Variants in DNAH7 observed in about 807,000 individuals in gnomAD.
DNAH7 encodes the protein dynein axonemal heavy chain 7, also known as axonemal beta dynein heavy chain 7.
A neutral mutation model predicts 444.6 loss-of-function variants in DNAH7; 397 were observed. The ratio of observed to expected loss-of-function variants is 0.89; its 90% CI spans 0.82 to 0.97. DNAH7 has a LOEUF of 0.97. DNAH7 is among the 50% of genes least tolerant of loss of function. The pLI is 0.00. For synonymous variants in DNAH7, 1,636 were observed against 1,624.4 expected, an observed-to-expected ratio of 1.01 and a Z score of -0.17; for missense variants, 4,902 against 4,800.8, an observed-to-expected ratio of 1.02 and a Z score of -0.62.
intron 25 of DNAH7, among the ~76,000 whole-genome samples, chr2:195,908,168 T>C (rs1687149741): frequency 1.3e-5 from 2 of 152,124 alleles, no homozygotes; most frequent in South Asian, 2.1e-4. Flanking sequence ...CATTTAATAA[T>C]GTGATGGCTA....
intron 15 of DNAH7, among the ~76,000 whole-genome samples, chr2:195,978,571 A>G (rs1337116698): frequency 1.6e-4 from 25 of 152,062 alleles, no homozygotes; most frequent in Admixed American, 1.6e-3. Flanking sequence ...AAAATTATCA[A>G]TAACAACAAT....
chr2:195,852,004 A>G (rs952268059), intron 46 of DNAH7, among the ~76,000 whole-genome samples: 23 of 152,174 alleles, frequency 1.5e-4, no homozygotes, highest in Admixed American at 1.4e-3. Flanking sequence ...CACGCCTGTA[A>G]TCCCGGCACT....
intron 58 of DNAH7, among the ~76,000 whole-genome samples, chr2:195,782,605 A>T (rs751617218): frequency 2.0e-5 from 3 of 152,200 alleles, no homozygotes; most frequent in Non-Finnish European, 2.9e-5. Context: ...TTTCCAAAAA[A>T]AATCGTATTA....
intron 1 of DNAH7, among the ~76,000 whole-genome samples, chr2:196,059,608 T>A (rs1431625956): frequency 2.6e-5 from 4 of 152,192 alleles, no homozygotes; most frequent in Non-Finnish European, 5.9e-5. Context: ...GTCAGCAACC[T>A]TGTCAATCTG....
chr2:195,799,728 G>T (rs148762333), intron 54 of DNAH7, among the ~76,000 whole-genome samples: 3 of 152,086 alleles, frequency 2.0e-5, no homozygotes, highest in African/African-American at 7.2e-5. Flanking sequence ...CCCTTGAAAT[G>T]AATGTTCAAG....
At chr2:195,804,053 G>A (rs137949725) in intron 54 of DNAH7, among the ~76,000 whole-genome samples, 133 of 99,028 alleles carry the variant, frequency 1.3e-3, no homozygotes, top group African/African-American at 4.3e-3. Flanking sequence ...TGAGGGGAGA[G>A]GGGGGGAAGG....
At chr2:195,986,261 T>C (rs917672832) in intron 14 of DNAH7, among the ~76,000 whole-genome samples, 14 of 152,202 alleles carry the variant, frequency 9.2e-5, no homozygotes, top group African/African-American at 3.1e-4. Context: ...TCCTTCTACA[T>C]TGTAACTTCC....
intron 5 of DNAH7, 45 bp from the exon 6 acceptor site, chr2:196,028,092 G>C: frequency 6.6e-7 from 1 of 1,504,688 alleles, no homozygotes; most frequent in Admixed American, 1.8e-5. Context: ...ATAAGGGGCA[G>C]TTAGAACATA....
chr2:195,760,436 A>G (rs1559077633), intron 61 of DNAH7, among the ~76,000 whole-genome samples: 1 of 152,182 alleles, frequency 6.6e-6, no homozygotes, highest in African/African-American at 2.4e-5. Context: ...CATAGACAGT[A>G]GCCAGGGAGT....
intron 19 of DNAH7, among the ~76,000 whole-genome samples, chr2:195,938,913 G>C (rs1329004112): frequency 1.3e-5 from 2 of 152,088 alleles, no homozygotes; most frequent in African/African-American, 4.8e-5. Context: ...CCAGTGAGAA[G>C]ACAAACATAA....
chr2:195,823,141 T>C (rs1263099898), intron 49 of DNAH7, among the ~76,000 whole-genome samples: 1 of 152,200 alleles, frequency 6.6e-6, no homozygotes, highest in Non-Finnish European at 1.5e-5. Context: ...AGCAGGTAAA[T>C]ACATAGTAGA....
intron 16 of DNAH7, among the ~76,000 whole-genome samples, chr2:195,971,713 T>C (rs557620321): frequency 1.3e-5 from 2 of 151,984 alleles, no homozygotes; most frequent in Non-Finnish European, 2.9e-5. Context: ...AAGTAGGCAA[T>C]GAGGCTGGAC....
intron 28 of DNAH7, among the ~76,000 whole-genome samples, chr2:195,899,019 A>G (rs531469817): frequency 1.5e-4 from 23 of 152,310 alleles, no homozygotes; most frequent in African/African-American, 5.5e-4. Flanking sequence ...TCTGCCTAAT[A>G]AATGCCATAT....
chr2:196,029,353 C>G (rs994510581), intron 5 of DNAH7, among the ~76,000 whole-genome samples: 1 of 152,030 alleles, frequency 6.6e-6, no homozygotes, highest in African/African-American at 2.4e-5. Flanking sequence ...GTGTGAATAA[C>G]GCCTGCCTAG....
In DNAH7 at chr2:195,881,726, T is replaced by G. The variant is rs1701390571; in HGVS notation, c.5961+69A>C. 5 of 1,448,958 alleles carry G rather than the reference T, an allele frequency of 3.5e-6. No homozygotes were observed. The Admixed American group carries it at 8.0e-5, about 23-fold the overall frequency. The allele number at this position is 1,448,958 out of a possible 1,614,324, so 89.8% of individuals were successfully genotyped here. The stretch of plus-strand genomic sequence containing the variant: ...TTGAGTATTTTTAAAAAATTATTTG[T>G]CTGCTATTTCAAAAACATTCTTAGG... On this transcript the variant is annotated intron_variant, in intron 36 of 64. Transcript: ENST00000312428.
Position 196,068,792 on chromosome 2 carries a change from C to G in DNAH7, c.-81G>C. On this transcript the variant is annotated 5_prime_UTR_variant, in exon 1 of 65. Coordinates refer to ENST00000312428, the MANE Select transcript of DNAH7 (RefSeq NM_018897.3). ...ACCCCTAGGACGATAGAGGCAGGGC[C>G]CCGGGACTTGCAGCGGTCTCAGCTC... The G allele has an allele frequency of 1.3e-6, 2 of 1,521,216 alleles. No individual in the cohort carries two copies. Among genetic ancestry groups the G allele is most frequent in the East Asian group, 5.0e-5 (2 of 40,068 alleles). 94.2% of individuals were successfully genotyped at this position (1,521,216 alleles called of 1,614,324 possible).
chr2:195,864,464 C>G lies in DNAH7; in HGVS notation c.7191G>C (p.Leu2397=). 6.2e-7 allele frequency: 1 copy of G among 1,614,206 alleles called. No homozygotes were observed. The highest frequency in any genetic ancestry group is 1.1e-5 in the South Asian group (1 of 91,092). ...CAEGEMQGVF[L]FTDTQIKEES... The stretch of plus-strand genomic sequence containing the variant: ...CTTCTTTAATTTGAGTATCTGTAAA[C>G]AGGAAGACACCCTGCATCTCACCTT... Residue 2397 remains leucine (L), a synonymous_variant, in exon 41 of 65, where the codon CTG becomes CTC. Coordinates refer to ENST00000312428, the MANE Select transcript of DNAH7 (RefSeq NM_018897.3).
At chr2:195,946,405 G>T (rs1255765360) in intron 19 of DNAH7, among the ~76,000 whole-genome samples, 1 of 152,062 alleles carries the variant, frequency 6.6e-6, no homozygotes, top group South Asian at 2.1e-4. Flanking sequence ...CCCAGACAAC[G>T]AACAAACCTA....
intron 61 of DNAH7, among the ~76,000 whole-genome samples, chr2:195,768,049 T>C (rs976063917): frequency 2.6e-5 from 4 of 151,498 alleles, no homozygotes; most frequent in Non-Finnish European, 5.9e-5. Context: ...TATTGTGATA[T>C]TGTAAAAGAA....
Sources: allele counts gnomAD v4.1 joint callset (sites outside exome capture counted in the v4.1 genomes callset), GRCh38; gene constraint gnomAD v4.1.1; transcripts MANE v1.5; gene names NCBI Gene and HGNC (gene_info 2026-07-23, HGNC 2026-07-21).